CFAP20DC: variants seen among roughly 807,000 people sequenced by gnomAD.
CFAP20DC encodes the protein protein CFAP20DC.
CFAP20DC carries 84 observed loss-of-function variants against 101.7 expected under a neutral mutation model. That is an observed-to-expected ratio of 0.83 (90% CI 0.69 to 0.99). The LOEUF is 0.99. Among genes scored for constraint, CFAP20DC ranks in the 50% least tolerant of loss-of-function variants. CFAP20DC has a pLI of 0.00. For synonymous variants in CFAP20DC, 359 were observed against 351.2 expected (o/e 1.02, Z -0.25); for missense variants, 1,007 against 970.3 (o/e 1.04, Z -0.50).
chr3:58,759,107 C>T (rs1191591941), intron 15 of CFAP20DC, among the ~76,000 whole-genome samples: 12 of 152,254 alleles, frequency 7.9e-5, no homozygotes, highest in African/African-American at 2.4e-4. Flanking sequence ...CCTGAGGAAT[C>T]GCCACACTGA....
chr3:58,796,549 G>A (rs2073257341), intron 15 of CFAP20DC, among the ~76,000 whole-genome samples: 1 of 152,174 alleles, frequency 6.6e-6, no homozygotes. Flanking sequence ...TAAAGGTAGA[G>A]CAGTTGACTA....
chr3:58,903,348 C>T (rs2083313489), intron 6 of CFAP20DC, among the ~76,000 whole-genome samples: 1 of 152,008 alleles, frequency 6.6e-6, no homozygotes, highest in Non-Finnish European at 1.5e-5. Flanking sequence ...AGGAGTCCAC[C>T]TCATTTTTTT....
chr3:58,762,639 T>C (rs2069757665), intron 15 of CFAP20DC, among the ~76,000 whole-genome samples: 1 of 152,236 alleles, frequency 6.6e-6, no homozygotes, highest in Admixed American at 6.5e-5. Flanking sequence ...GCCTTGACGG[T>C]CTTTACAATT....
downstream of CFAP20DC, among the ~76,000 whole-genome samples, chr3:58,737,455 A>G (rs1173732362): frequency 1.3e-5 from 2 of 152,188 alleles, no homozygotes; most frequent in African/African-American, 4.8e-5. This position sits in a 1 kb window ranked among gnomAD's most constrained non-coding sequence, Gnocchi z 4.1. Context: ...GATCTACAGC[A>G]GCATTTCTCA....
chr3:58,955,729 C>A (rs149011011), intron 4 of CFAP20DC, among the ~76,000 whole-genome samples: 91 of 151,942 alleles, frequency 6.0e-4, no homozygotes, highest in Middle Eastern at 3.4e-3. Context: ...GAGACACCAG[C>A]TGGAATAGCT....
chr3:59,016,616 A>G (rs2093695592), intron 4 of CFAP20DC, among the ~76,000 whole-genome samples: 1 of 152,178 alleles, frequency 6.6e-6, no homozygotes, highest in Non-Finnish European at 1.5e-5. Context: ...ATACACATTG[A>G]AATACATGTA....
At chr3:58,838,393 G>A (rs1479646275) in intron 13 of CFAP20DC, among the ~76,000 whole-genome samples, 1 of 152,072 alleles carries the variant, frequency 6.6e-6, no homozygotes, top group African/African-American at 2.4e-5. Flanking sequence ...ATTTTAGCAT[G>A]CGACCCTGAA....
In CFAP20DC at chr3:58,762,423, G is replaced by A. The variant is rs9822987; in HGVS notation, c.2238-8560C>T. Among the ~76,000 whole-genome samples the A allele has an allele frequency of 9.9e-3, 1,508 of 152,166 alleles. 24 individuals are homozygous for A. The highest frequency in any genetic ancestry group is 0.035 in the African/African-American group (1,453 of 41,488). On this transcript the variant is annotated intron_variant, in intron 15 of 16. Coordinates refer to ENST00000482387, the MANE Select transcript of CFAP20DC (RefSeq NM_001394063.1). ...CCCTCCATCCTTTTATTTTGAGCCT[G>A]TGTGTGTCTCTGCACATGAGATGGG...
chr3:58,845,283 AAAAG>A (rs1292266164), intron 13 of CFAP20DC, among the ~76,000 whole-genome samples: 5 of 151,796 alleles, frequency 3.3e-5, no homozygotes, highest in African/African-American at 1.2e-4. Flanking sequence ...AATAAAGAAA[AAAAG>A]AGAGAAGAAT....
At chr3:59,004,691 C>T (rs1444813840) in intron 4 of CFAP20DC, among the ~76,000 whole-genome samples, 1 of 152,230 alleles carries the variant, frequency 6.6e-6, no homozygotes, top group African/African-American at 2.4e-5. Context: ...ATCTGCTTTT[C>T]TACTTGGTAA....
chr3:58,994,990 A>G (rs888421737), intron 4 of CFAP20DC, among the ~76,000 whole-genome samples: 6 of 152,184 alleles, frequency 3.9e-5, no homozygotes, highest in East Asian at 1.9e-4. Context: ...TGAAAAAATA[A>G]TCCAATTCGC....
intron 4 of CFAP20DC, among the ~76,000 whole-genome samples, chr3:58,996,396 A>G (rs1342109482): frequency 6.6e-6 from 1 of 152,206 alleles, no homozygotes; most frequent in African/African-American, 2.4e-5. Flanking sequence ...AAATATTTAA[A>G]ACCTTTACCA....
In CFAP20DC at chr3:58,914,679, T is replaced by A. The variant is rs190684910; in HGVS notation, c.394-815A>T. On this transcript the variant is annotated intron_variant, in intron 5 of 16. Transcript: ENST00000482387. The surrounding 1 kb of genome is among the most constrained non-coding windows in gnomAD (Gnocchi z 4.9). ...TTACATAAGGTCCTGTATATATAAA[T>A]ATATATATATATATTTTTTTTCTTT... Among the ~76,000 whole-genome samples, 4 of 148,002 alleles carry A rather than the reference T, an allele frequency of 2.7e-5. No individual in the cohort carries two copies. The highest frequency in any genetic ancestry group is 7.4e-5 in the African/African-American group (3 of 40,388).
intron 16 of CFAP20DC, among the ~76,000 whole-genome samples, chr3:58,752,016 T>C (rs894045019): frequency 2.6e-5 from 4 of 152,170 alleles, no homozygotes; most frequent in Non-Finnish European, 4.4e-5. Context: ...CTTCTGATGA[T>C]ATAAACTGGA....
At position 58,729,940 on chromosome 3, in the gene CFAP20DC, C is replaced by G. The variant is rs956142709; in HGVS notation, c.198-12312G>C. 6.6e-5 allele frequency among the ~76,000 whole-genome samples: 10 copies of G among 151,304 alleles called. No homozygotes were observed. The highest frequency in any genetic ancestry group is 2.4e-4 in the African/African-American group (10 of 41,074). ...GGCTGAGGCAGGAGAATCACTTGAA[C>G]CCAGGAGGCAGAGGTTGTGGTGAAC... On this transcript the variant is annotated intron_variant, in intron 3 of 3. Transcript: ENST00000486145. This position sits in a 1 kb window ranked among gnomAD's most constrained non-coding sequence, Gnocchi z 4.4.
chr3:58,947,433 T>C (rs2089511477), intron 4 of CFAP20DC, among the ~76,000 whole-genome samples: 1 of 152,216 alleles, frequency 6.6e-6, no homozygotes, highest in African/African-American at 2.4e-5. Context: ...CCACATAAGC[T>C]ACAAATATAT....
intron 16 of CFAP20DC, among the ~76,000 whole-genome samples, chr3:58,750,229 GC>G (rs1329923649): frequency 2.0e-5 from 3 of 152,158 alleles, no homozygotes; most frequent in Non-Finnish European, 4.4e-5. Flanking sequence ...ATGGCCTGGG[GC>G]AAGTTTTCTA....
intron 4 of CFAP20DC, among the ~76,000 whole-genome samples, chr3:58,947,213 C>T (rs190679858): frequency 1.8e-3 from 267 of 152,274 alleles, no homozygotes; most frequent in Middle Eastern, 3.4e-3. Flanking sequence ...CTTTACTTTA[C>T]TAAAGGGCAT....
chr3:58,906,234 C>T (rs116364881), intron 6 of CFAP20DC, among the ~76,000 whole-genome samples: 2,212 of 152,312 alleles, frequency 0.015, 53 homozygotes, highest in African/African-American at 0.05. Flanking sequence ...CCACTACCGT[C>T]ATTATTATCA....
Sources: gnomAD v4.1 joint callset for allele counts (sites outside exome capture counted in the v4.1 genomes callset) on GRCh38, gnomAD v4.1.1 for gene constraint, Gnocchi (gnomAD v3.1) non-coding constraint, MANE v1.5 for transcripts, NCBI Gene and HGNC (gene_info 2026-07-23, HGNC 2026-07-21) for gene names.